Variants in HDAC8 observed in about 807,000 individuals in gnomAD.
HDAC8 encodes the protein histone deacetylase-like 1.
Under a neutral mutation model 32.2 loss-of-function variants are expected in HDAC8, and 1 was observed. The ratio of observed to expected loss-of-function variants is 0.03; its 90% CI spans 0.01 to 0.15. The LOEUF (loss-of-function observed/expected upper bound fraction) is 0.15, where lower values mean the gene tolerates loss of function less well. Ranked by LOEUF, HDAC8 falls within the 10% of genes least tolerant of loss-of-function variation. HDAC8 has a pLI of 1.00. For missense variants in HDAC8, 117 were observed against 300.0 expected, an observed-to-expected ratio of 0.39 and a Z score of 4.51; for synonymous variants, 108 against 113.9, an observed-to-expected ratio of 0.95 and a Z score of 0.33.
At position 72,329,892 on chromosome X, in the gene HDAC8, C is replaced by T; in HGVS notation, c.*162G>A. On this transcript the variant is annotated 3_prime_UTR_variant, in exon 11 of 11. Coordinates refer to ENST00000373573, the MANE Select transcript of HDAC8 (RefSeq NM_018486.3). Reference sequence around the variant, plus strand: ...CTCTGGGGTGCCTGCCTCTTCACCCCAGGAAGCCAGCTGCCACTTGATGCC... The same window carrying T: ...CTCTGGGGTGCCTGCCTCTTCACCCTAGGAAGCCAGCTGCCACTTGATGCC... The T allele has an allele frequency of 1.3e-6, 1 of 794,533 alleles. No individual in the cohort carries two copies. The highest frequency in any genetic ancestry group is 2.6e-5 in the South Asian group (1 of 38,446). 65.5% of individuals were successfully genotyped at this position (794,533 alleles called of 1,213,427 possible).
chrX:72,531,818 A>G (rs1158159908), intron 4 of HDAC8, among the ~76,000 whole-genome samples: 3 of 112,551 alleles, frequency 2.7e-5, no homozygotes, highest in African/African-American at 9.7e-5. Context: ...TTTTATTATG[A>G]AACAATGTCC....
At chrX:72,372,288 G>T (rs1204481253) in intron 9 of HDAC8, among the ~76,000 whole-genome samples, 1 of 110,965 alleles carries the variant, frequency 9.0e-6, no homozygotes, top group Non-Finnish European at 1.9e-5. Flanking sequence ...CCCTGCTTGG[G>T]TCTTCTCTGC....
intron 10 of HDAC8, among the ~76,000 whole-genome samples, chrX:72,333,414 C>T (rs1056469869): frequency 3.6e-5 from 4 of 112,102 alleles, no homozygotes; most frequent in Admixed American, 9.4e-5. Flanking sequence ...GCAGGCTGGG[C>T]GTGGTGGCTC....
chrX:72,572,185 G>A (rs1308192031), intron 1 of HDAC8, 76 bp from the exon 2 acceptor site: 1 of 963,554 alleles, frequency 1.0e-6, no homozygotes. Flanking sequence ...CAAAATCCCC[G>A]TCAATCTCAC....
At chrX:72,341,059 C>T (rs1010955019) in intron 10 of HDAC8, among the ~76,000 whole-genome samples, 20 of 111,501 alleles carry the variant, frequency 1.8e-4, no homozygotes, top group Non-Finnish European at 1.1e-4. Context: ...AAAAATGGTT[C>T]TGTGGTGGTC....
chrX:72,437,204 T>G (rs2046976531), intron 9 of HDAC8, among the ~76,000 whole-genome samples: 1 of 111,180 alleles, frequency 9.0e-6, no homozygotes. Context: ...TGAAGCAGGG[T>G]GGGGTGTTGC....
intron 4 of HDAC8, among the ~76,000 whole-genome samples, chrX:72,550,835 AT>A (rs1322900282): frequency 4.5e-5 from 5 of 111,162 alleles, no homozygotes; most frequent in Non-Finnish European, 5.7e-5. Context: ...TTTTAAATAA[AT>A]TCACTAATGG....
In HDAC8 at chrX:72,394,003, G is replaced by C. The variant is rs147713111; in HGVS notation, c.1006-42165C>G. 1.2e-3 allele frequency among the ~76,000 whole-genome samples: 129 copies of C among 110,891 alleles called. 3 individuals are homozygous for C. In the East Asian group the frequency reaches 0.036, roughly 31 times the overall value. ...TTGGCTCTTTGATCTTCCTAGTCCA[G>C]TTACTCTGTGCAGAGCCCCGCCACT... On this transcript the variant is annotated intron_variant, in intron 9 of 10. Coordinates refer to ENST00000373573, the MANE Select transcript of HDAC8 (RefSeq NM_018486.3).
At chrX:72,351,063 G>A (rs1018228298) in intron 10 of HDAC8, among the ~76,000 whole-genome samples, 1 of 111,307 alleles carries the variant, frequency 9.0e-6, no homozygotes, top group African/African-American at 3.3e-5. Context: ...GAGAATGCCT[G>A]TGAGCCCCCT....
intron 10 of HDAC8, among the ~76,000 whole-genome samples, chrX:72,337,199 A>C (rs2043723339): frequency 8.9e-6 from 1 of 112,175 alleles, no homozygotes; most frequent in African/African-American, 3.2e-5. Flanking sequence ...TAATCTTTTT[A>C]ATGTGGAGCA....
In HDAC8 at chrX:72,442,914, C is replaced by A. The variant is rs1431744746; in HGVS notation, c.1005+19090G>T. On this transcript the variant is annotated intron_variant, in intron 9 of 10. Transcript: ENST00000373573. ...GTCTCTGATCAAACAGACTTTAAAC[C>A]AACAAAGATCAAAAGAGACAAAGAA... Among the ~76,000 whole-genome samples, 3 of 109,045 alleles carry A rather than the reference C, an allele frequency of 2.8e-5. No homozygotes were observed. The Admixed American group carries it at 2.9e-4, about 11-fold the overall frequency. The allele number at this position is 109,045 out of a possible 115,157, so 94.7% of individuals were successfully genotyped here. A position where few individuals can be genotyped will look rare whatever the true frequency, so the allele number is the denominator to read the frequency against.
intron 9 of HDAC8, among the ~76,000 whole-genome samples, chrX:72,376,822 T>G (rs1448744991): frequency 8.9e-6 from 1 of 112,110 alleles, no homozygotes; most frequent in Admixed American, 9.5e-5. Flanking sequence ...TCTTTCTTAT[T>G]TTTAAGCAGA....
At chrX:72,421,124 TA>T (rs1202769988) in intron 9 of HDAC8, among the ~76,000 whole-genome samples, 1 of 111,931 alleles carries the variant, frequency 8.9e-6, no homozygotes, top group Admixed American at 9.5e-5. Flanking sequence ...TGGTACATTT[TA>T]AACATATTTT....
chrX:72,464,820 T>C (rs1347354026), intron 7 of HDAC8, 89 bp from the exon 8 acceptor site: 2 of 590,469 alleles, frequency 3.4e-6, no homozygotes, highest in Admixed American at 5.9e-5. Flanking sequence ...ATAATTGAAT[T>C]AGCAAATAGT....
intron 9 of HDAC8, among the ~76,000 whole-genome samples, chrX:72,432,299 C>T (rs2046841225): frequency 9.0e-6 from 1 of 110,854 alleles, no homozygotes; most frequent in Admixed American, 9.6e-5. Context: ...ACACACATCA[C>T]ATCCTGGTAC....
At chrX:72,572,259 A>G in intron 1 of HDAC8, 150 bp from the exon 2 acceptor site, 1 of 530,313 alleles carries the variant, frequency 1.9e-6, no homozygotes, top group Non-Finnish European at 3.0e-6. Context: ...AACAGTTACA[A>G]TACACTTTAG....
chrX:72,482,601 T>G (rs1189237717), intron 7 of HDAC8, among the ~76,000 whole-genome samples: 1 of 94,511 alleles, frequency 1.1e-5, no homozygotes, highest in Non-Finnish European at 2.4e-5. Context: ...GGTTTCTATT[T>G]TGGGGGGGGG....
At chrX:72,343,221 G>A (rs2043933537) in intron 10 of HDAC8, among the ~76,000 whole-genome samples, 1 of 108,778 alleles carries the variant, frequency 9.2e-6, no homozygotes, top group Non-Finnish European at 1.9e-5. Flanking sequence ...CCAAGCTGGA[G>A]TGCAGTAGTG....
At chrX:72,362,422 T>TAGA (rs2044581764) in intron 9 of HDAC8, among the ~76,000 whole-genome samples, 1 of 112,019 alleles carries the variant, frequency 8.9e-6, no homozygotes, top group East Asian at 2.8e-4. Flanking sequence ...TTAAGTCTTT[T>TAGA]TTCTTTATAG....
Sources: gnomAD v4.1 joint callset for allele counts (sites outside exome capture counted in the v4.1 genomes callset) on GRCh38, gnomAD v4.1.1 for gene constraint, MANE v1.5 for transcripts, NCBI Gene and HGNC (gene_info 2026-07-23, HGNC 2026-07-21) for gene names.